The following CNTN5 variants were observed in gnomAD, a reference collection of about 807,000 sequenced individuals.
CNTN5 encodes contactin 5.
CNTN5 carries 77 observed loss-of-function variants against 129.1 expected under a neutral mutation model. The ratio of observed to expected loss-of-function variants is 0.60; its 90% CI spans 0.50 to 0.72. CNTN5 has a LOEUF of 0.72. Among genes scored for constraint, CNTN5 ranks in the 30% least tolerant of loss-of-function variants. CNTN5 has a pLI of 0.00. For synonymous variants in CNTN5, 509 were observed against 465.6 expected (o/e 1.09, Z -1.20); for missense variants, 1,478 against 1,328.8 (o/e 1.11, Z -1.75).
intron 6 of CNTN5, among the ~76,000 whole-genome samples, chr11:99,909,036 T>G (rs1271029982): frequency 6.6e-6 from 1 of 152,074 alleles, no homozygotes; most frequent in Non-Finnish European, 1.5e-5. Flanking sequence ...TTTACAGATT[T>G]TCCTTCCTCT....
At position 99,316,524 on chromosome 11, in the gene CNTN5, G is replaced by C. The variant is rs903661417; in HGVS notation, c.-209-8822G>C. On this transcript the variant is annotated intron_variant, in intron 1 of 24. Coordinates refer to ENST00000524871, the MANE Select transcript of CNTN5 (RefSeq NM_014361.4). ...GAGTGATGAAAATAAACATTTAGGT[G>C]TTGTATATCTCTCATATGTTTTAAT... Among the ~76,000 whole-genome samples the C allele has an allele frequency of 3.3e-5, 5 of 152,138 alleles. No homozygotes were observed. The South Asian group carries it at 8.3e-4, about 25-fold the overall frequency.
chr11:100,250,565 C>A (rs1284421294), intron 16 of CNTN5, among the ~76,000 whole-genome samples: 1 of 151,962 alleles, frequency 6.6e-6, no homozygotes, highest in African/African-American at 2.4e-5. Context: ...GATTATTGGG[C>A]AATTTGTTGT....
chr11:99,089,621 G>A (rs1866155484), intron 1 of CNTN5, among the ~76,000 whole-genome samples: 3 of 152,238 alleles, frequency 2.0e-5, no homozygotes, highest in African/African-American at 7.2e-5. Flanking sequence ...CATTAAACAA[G>A]CATTAAATAA....
rs181689365 is a variant in CNTN5, at chr11:100,137,329, T to A, written c.1581-53797T>A. On this transcript the variant is annotated intron_variant, in intron 13 of 24. Coordinates refer to ENST00000524871, the MANE Select transcript of CNTN5 (RefSeq NM_014361.4). ...ATTCAAAGAGTTTCAAATATAAATT[T>A]ATTTCAAATTGGAAACATACCAGAA... Among the ~76,000 whole-genome samples, 433 of 152,258 alleles carry A rather than the reference T, an allele frequency of 2.8e-3. 1 individual carries two copies. Among genetic ancestry groups the A allele is most frequent in the African/African-American group, 9.6e-3 (400 of 41,582 alleles).
At chr11:99,057,229 C>A (rs1422425725) in intron 1 of CNTN5, among the ~76,000 whole-genome samples, 1 of 151,786 alleles carries the variant, frequency 6.6e-6, no homozygotes, top group Admixed American at 6.6e-5. Context: ...TGAAGATTTT[C>A]TAGAAAAGCC....
intron 2 of CNTN5, among the ~76,000 whole-genome samples, chr11:99,422,516 TTTTATATATATATA>T (rs1192041103): frequency 0.012 from 1,171 of 100,392 alleles, 24 homozygotes; most frequent in East Asian, 0.052. Flanking sequence ...TACTTTATAT[TTTTATATATATATA>T]TATATATATA....
intron 21 of CNTN5, among the ~76,000 whole-genome samples, chr11:100,311,485 G>C (rs1951471943): frequency 6.6e-6 from 1 of 151,826 alleles, no homozygotes; most frequent in African/African-American, 2.4e-5. Flanking sequence ...TATAACTATG[G>C]GAAATCATAA....
intron 3 of CNTN5, among the ~76,000 whole-genome samples, chr11:99,634,510 T>C (rs1951478550): frequency 1.3e-5 from 2 of 152,208 alleles, no homozygotes; most frequent in Non-Finnish European, 2.9e-5. Context: ...GAATAAGATA[T>C]ACTAAAATAT....
chr11:99,305,790 G>A (rs1864847027), intron 1 of CNTN5, among the ~76,000 whole-genome samples: 1 of 151,892 alleles, frequency 6.6e-6, no homozygotes, highest in Non-Finnish European at 1.5e-5. Context: ...GGACCAGCCT[G>A]ACAAACAAGG....
chr11:99,677,572 C>T (rs604036), intron 3 of CNTN5, among the ~76,000 whole-genome samples: 147,287 of 152,224 alleles, frequency 0.97, 71,463 homozygotes, highest in East Asian at 1. Context: ...AATAACTTAA[C>T]TGTGTTTTTG....
At chr11:99,156,181 A>T (rs1160991795) in intron 1 of CNTN5, among the ~76,000 whole-genome samples, 1 of 152,226 alleles carries the variant, frequency 6.6e-6, no homozygotes, top group East Asian at 1.9e-4. Flanking sequence ...GTCATTAATA[A>T]TAAAAAGATT....
At chr11:100,134,080 A>G (rs1011553890) in intron 13 of CNTN5, among the ~76,000 whole-genome samples, 3 of 152,154 alleles carry the variant, frequency 2.0e-5, no homozygotes, top group Admixed American at 6.6e-5. Flanking sequence ...CAAATAAATG[A>G]TATCTTTAAA....
In CNTN5 at chr11:99,766,272, C is replaced by T. The variant is rs543807378; in HGVS notation, c.56-53272C>T. On this transcript the variant is annotated intron_variant, in intron 3 of 24. Transcript: ENST00000524871. Reference sequence around the variant, plus strand: ...TTATCTGTAGAATAAAACAGGCCTTCACTGTCCCAAGCACAGAGAAGACAT... The same window carrying T: ...TTATCTGTAGAATAAAACAGGCCTTTACTGTCCCAAGCACAGAGAAGACAT... Among the ~76,000 whole-genome samples the T allele has an allele frequency of 2.6e-5, 4 of 152,124 alleles. No homozygotes were observed. In the East Asian group the frequency reaches 7.7e-4, roughly 29 times the overall value.
chr11:99,870,689 A>G (rs1948481688), intron 6 of CNTN5, among the ~76,000 whole-genome samples: 1 of 152,194 alleles, frequency 6.6e-6, no homozygotes, highest in African/African-American at 2.4e-5. Flanking sequence ...TTTCTTTGTA[A>G]TTACGGACAA....
At position 99,723,546 on chromosome 11, in the gene CNTN5, G is replaced by A. The variant is rs1218032247; in HGVS notation, c.56-95998G>A. On this transcript the variant is annotated intron_variant, in intron 3 of 24. Transcript: ENST00000524871. ...AAACTTCTACCACCACACCTATCTT[G>A]CATTTATACTCTGTTTTATTTTTCT... Among the ~76,000 whole-genome samples, 6 of 151,970 alleles carry A rather than the reference G, an allele frequency of 3.9e-5. No homozygotes were observed. In the East Asian group the frequency reaches 1.2e-3, roughly 29 times the overall value.
chr11:100,055,133 A>G (rs76268866), intron 9 of CNTN5, among the ~76,000 whole-genome samples: 4,705 of 150,374 alleles, frequency 0.031, 119 homozygotes, highest in African/African-American at 0.074. Flanking sequence ...TATATACCTC[A>G]TTTGTTTGTA....
chr11:99,117,651 G>A (rs937499852), intron 1 of CNTN5, among the ~76,000 whole-genome samples: 1 of 152,088 alleles, frequency 6.6e-6, no homozygotes, highest in African/African-American at 2.4e-5. Flanking sequence ...TTGGTATTTG[G>A]AAGTGGGATC....
chr11:99,368,942 G>A, intron 2 of CNTN5, among the ~76,000 whole-genome samples: 1 of 151,914 alleles, frequency 6.6e-6, no homozygotes, highest in Non-Finnish European at 1.5e-5. Flanking sequence ...GGGTGGGGAA[G>A]GGAATGTGTT....
At chr11:99,276,333 T>C (rs79090474) in intron 1 of CNTN5, among the ~76,000 whole-genome samples, 15,120 of 151,700 alleles carry the variant, frequency 0.1, 774 homozygotes, top group South Asian at 0.14. Context: ...GAAAAACAGG[T>C]AACAAAACAT....
Sources: allele counts gnomAD v4.1 joint callset (sites outside exome capture counted in the v4.1 genomes callset), GRCh38; gene constraint gnomAD v4.1.1; transcripts MANE v1.5; gene names NCBI Gene and HGNC (gene_info 2026-07-23, HGNC 2026-07-21).